Variants in RIOX2 observed in about 807,000 individuals in gnomAD.
RIOX2 encodes ribosomal oxygenase 2, also known as 60S ribosomal protein L27a histidine hydroxylase.
A neutral mutation model predicts 51.2 loss-of-function variants in RIOX2; 43 were observed. That is an observed-to-expected ratio of 0.84 (90% CI 0.66 to 1.08). The LOEUF (loss-of-function observed/expected upper bound fraction) is 1.08, where lower values mean the gene tolerates loss of function less well. RIOX2 is among the 50% of genes least tolerant of loss of function. The pLI, the probability that RIOX2 is intolerant of heterozygous loss-of-function variation, is 0.00. For synonymous variants in RIOX2, 226 were observed against 218.5 expected (o/e 1.03, Z -0.30); for missense variants, 566 against 561.7 (o/e 1.01, Z -0.08).
At chr3:97,952,258 C>T (rs1442377185) in intron 5 of RIOX2, 1 of 1,287,684 alleles carries the variant, frequency 7.8e-7, no homozygotes, top group African/African-American at 1.5e-5. Flanking sequence ...CATCACTGTC[C>T]AAGACACAGG....
At chr3:97,955,941 A>G (rs1249528294) in intron 4 of RIOX2, among the ~76,000 whole-genome samples, 1 of 152,204 alleles carries the variant, frequency 6.6e-6, no homozygotes, top group Non-Finnish European at 1.5e-5. Flanking sequence ...CGTGGACAAG[A>G]AAAAACACAG....
rs62264232 is a variant in RIOX2, at chr3:97,960,273, C to T, written c.553-1094G>A. On this transcript the variant is annotated intron_variant, in intron 3 of 9. Coordinates refer to ENST00000394198, the MANE Select transcript of RIOX2 (RefSeq NM_153182.4). The stretch of plus-strand genomic sequence containing the variant: ...TAAGGCCTGCAGCTGTGGCTACCCA[C>T]CATTTCAGATGGACGATTCAGCTTG... 3.5e-3 allele frequency among the ~76,000 whole-genome samples: 536 copies of T among 152,284 alleles called. 6 individuals are homozygous for T. Among genetic ancestry groups the T allele is most frequent in the Middle Eastern group, 0.034 (10 of 294 alleles).
intron 1 of RIOX2, among the ~76,000 whole-genome samples, chr3:97,971,388 T>C (rs756783923): frequency 9.9e-5 from 15 of 152,158 alleles, no homozygotes; most frequent in Non-Finnish European, 2.1e-4. Flanking sequence ...AGGACAACAG[T>C]CAAACGCAGC....
At position 97,967,191 on chromosome 3, in the gene RIOX2, TCG is replaced by T. The variant is rs768678286; in HGVS notation, c.401_402del (p.Thr134AsnfsTer10). 3.1e-6 allele frequency: 5 copies of T among 1,614,126 alleles called. No individual in the cohort carries two copies. The South Asian group carries it at 5.5e-5, about 18-fold the overall frequency. On this transcript the variant is annotated frameshift_variant, in exon 2 of 10. Transcript: ENST00000394198. LOFTEE classifies it high-confidence loss of function. ...AATCTCTGAGGTTGGTGAAACTGAATCGTTGCCCTTTTCTGATCAAAATCTTT... is the reference window on the plus strand; with the variant it reads ...AATCTCTGAGGTTGGTGAAACTGAATTTGCCCTTTTCTGATCAAAATCTTT... ...LRKDFDQKRA[T>X]IQFHQPQRFK...
chr3:97,949,799 C>A (rs760965720), intron 7 of RIOX2, 45 bp downstream of exon 7: 4 of 1,570,846 alleles, frequency 2.5e-6, no homozygotes, highest in Non-Finnish European at 3.5e-6. Flanking sequence ...CCGTAAACAT[C>A]CTGCATTAGC....
intron 2 of RIOX2, among the ~76,000 whole-genome samples, chr3:97,962,214 T>TA (rs1006991895): frequency 1.2e-4 from 18 of 151,712 alleles, no homozygotes; most frequent in South Asian, 6.2e-4. Flanking sequence ...GGAGCGGAGT[T>TA]AAAAAAAATA....
rs201177975 is a variant in RIOX2 at position 97,963,633 on chromosome 3, TTC to T, written c.433-1927_433-1926del. 5.8e-3 allele frequency among the ~76,000 whole-genome samples: 888 copies of T among 152,192 alleles called. 7 individuals are homozygous for T. The highest frequency in any genetic ancestry group is 0.018 in the African/African-American group (753 of 41,528). On this transcript the variant is annotated intron_variant, in intron 2 of 9. Coordinates refer to ENST00000394198, the MANE Select transcript of RIOX2 (RefSeq NM_153182.4). ...ACTGGAACCACTAGAAAACCAGGGC[TTC>T]TCTCTCTCTCTTTCTCTCTCTGATG...
intron 8 of RIOX2, among the ~76,000 whole-genome samples, chr3:97,946,267 A>T (rs532095443): frequency 6.6e-6 from 1 of 152,120 alleles, no homozygotes; most frequent in African/African-American, 2.4e-5. Flanking sequence ...TTTTTTGAAT[A>T]AAAAAATCTG....
At chr3:97,952,458 C>A (rs996413022) in intron 5 of RIOX2, among the ~76,000 whole-genome samples, 2 of 152,148 alleles carry the variant, frequency 1.3e-5, no homozygotes, top group African/African-American at 2.4e-5. Context: ...TTAGCAGAAG[C>A]AAAAGCTAAC....
chr3:97,952,146 A>G lies in RIOX2; in HGVS notation c.786-1258T>C, dbSNP rs1388088541. 2.5e-5 allele frequency: 32 copies of G among 1,285,174 alleles called. No homozygotes were observed. The Admixed American group carries it at 7.3e-4, about 30-fold the overall frequency. The allele number at this position is 1,285,174 out of a possible 1,614,324, so 79.6% of individuals were successfully genotyped here. A position where few individuals can be genotyped will look rare whatever the true frequency, so the allele number is the denominator to read the frequency against. ...CAGGTGTTAGGAAGAGGCCCCAAAT[A>G]TTCACCTTTACATGGTACCTGAAGG... On this transcript the variant is annotated intron_variant, in intron 5 of 9. Coordinates refer to ENST00000394198, the MANE Select transcript of RIOX2 (RefSeq NM_153182.4).
At chr3:97,950,758 T>C in intron 6 of RIOX2, 28 bp downstream of exon 6, 1 of 1,582,994 alleles carries the variant, frequency 6.3e-7, no homozygotes, top group Non-Finnish European at 8.7e-7. Flanking sequence ...GCTACCATCC[T>C]TCATTCCTAC....
At chr3:97,956,351 A>G (rs1340632715) in intron 4 of RIOX2, among the ~76,000 whole-genome samples, 2 of 152,220 alleles carry the variant, frequency 1.3e-5, no homozygotes, top group East Asian at 1.9e-4. Flanking sequence ...AATGCAGTAC[A>G]GCAACCCTAG....
At chr3:97,960,029 G>A (rs1158909817) in intron 3 of RIOX2, among the ~76,000 whole-genome samples, 1 of 152,190 alleles carries the variant, frequency 6.6e-6, no homozygotes, top group Admixed American at 6.5e-5. Flanking sequence ...CTCCACATGA[G>A]CAGTTCCTCT....
chr3:97,943,077 G>A lies in RIOX2; in HGVS notation c.*2107C>T. On this transcript the variant is annotated 3_prime_UTR_variant, in exon 10 of 10. Transcript: ENST00000394198. Reference sequence around the variant, plus strand: ...TTTGAGGTGAATAATGGCTAAGCCTGTTCAAACTCAGCTTCCCATTTCAGA... The same window carrying A: ...TTTGAGGTGAATAATGGCTAAGCCTATTCAAACTCAGCTTCCCATTTCAGA... 1.7e-6 allele frequency: 1 copy of A among 600,740 alleles called. No individual in the cohort carries two copies. The highest frequency in any genetic ancestry group is 4.5e-4 in the Middle Eastern group (1 of 2,228). 37.2% of individuals were successfully genotyped at this position (600,740 alleles called of 1,614,324 possible).
chr3:97,963,208 C>T (rs1340769989), intron 2 of RIOX2, among the ~76,000 whole-genome samples: 1 of 152,198 alleles, frequency 6.6e-6, no homozygotes, highest in African/African-American at 2.4e-5. Context: ...ACTGCAGCCT[C>T]GACATCCCAG....
intron 3 of RIOX2, among the ~76,000 whole-genome samples, chr3:97,959,430 C>T (rs1705587809): frequency 6.6e-6 from 1 of 150,448 alleles, no homozygotes; most frequent in African/African-American, 2.4e-5. Flanking sequence ...CAATGATCCT[C>T]TTGCCCTAGC....
In RIOX2 at chr3:97,942,371, C is replaced by CAGA; in HGVS notation, c.*2810_*2812dup. ...ATGGACTGAACATGGGCAATTCAGG[C>CAGA]AGAAGTGGAGACTGAATAAAAATGG... is the stretch of plus-strand genomic sequence containing the variant. On this transcript the variant is annotated 3_prime_UTR_variant, in exon 10 of 10. Transcript: ENST00000394198. 1 of 1,611,870 alleles carries CAGA rather than the reference C, an allele frequency of 6.2e-7. No individual in the cohort carries two copies. The highest frequency in any genetic ancestry group is 1.3e-5 in the African/African-American group (1 of 74,866).
At chr3:97,961,517 T>C in intron 3 of RIOX2, 72 bp downstream of exon 3, 3 of 1,500,278 alleles carry the variant, frequency 2.0e-6, no homozygotes, top group South Asian at 2.7e-5. Context: ...GAACTCACCC[T>C]GACAACTCTA....
In RIOX2 at chr3:97,945,181, G is replaced by A; in HGVS notation, c.*3C>T. 1 of 1,606,930 alleles carries A rather than the reference G, an allele frequency of 6.2e-7. No individual in the cohort carries two copies. The highest frequency in any genetic ancestry group is 8.5e-7 in the Non-Finnish European group (1 of 1,176,796). The stretch of plus-strand genomic sequence containing the variant: ...ATAGTAGGCATTTGATTCTGCAAAG[G>A]CACTAGACTACTTGAATTAAACATT... On this transcript the variant is annotated 3_prime_UTR_variant, in exon 10 of 10. Coordinates refer to ENST00000394198, the MANE Select transcript of RIOX2 (RefSeq NM_153182.4).
Sources: gnomAD v4.1 joint callset for allele counts (sites outside exome capture counted in the v4.1 genomes callset) on GRCh38, gnomAD v4.1.1 for gene constraint, MANE v1.5 for transcripts, NCBI Gene and HGNC (gene_info 2026-07-23, HGNC 2026-07-21) for gene names.